The following STAMBP variants were observed in gnomAD, a reference collection of about 807,000 sequenced individuals.
STAMBP encodes STAM binding protein, also known as STAM-binding protein.
STAMBP carries 31 observed loss-of-function variants against 50.7 expected under a neutral mutation model. That is an observed-to-expected ratio of 0.61 (90% confidence interval 0.46 to 0.83). STAMBP has a LOEUF of 0.83. Ranked by LOEUF, STAMBP falls within the 40% of genes least tolerant of loss-of-function variation. STAMBP has a pLI of 0.00. For missense variants in STAMBP, 472 were observed against 518.9 expected (o/e 0.91, Z 0.88); for synonymous variants, 211 against 192.4 (o/e 1.10, Z -0.80).
Position 73,866,092 on chromosome 2 carries a change from C to A in STAMBP, c.*3833C>A, listed in dbSNP as rs1165996776. 6.6e-6 allele frequency: 1 copy of A among 152,204 alleles called. No homozygotes were observed. The highest frequency in any genetic ancestry group is 1.5e-5 in the Non-Finnish European group (1 of 68,048). The allele number at this position is 152,204 out of a possible 1,614,324, so 9.4% of individuals were successfully genotyped here. A position where few individuals can be genotyped will look rare whatever the true frequency, so the allele number is the denominator to read the frequency against. On this transcript the variant is annotated 3_prime_UTR_variant, in exon 10 of 10. Transcript: ENST00000394070. ...AGATGAAGGAAGGGCAGAACATTGG[C>A]CCTCTTCACTGAAGTCTTCACCCCT...
In STAMBP at chr2:73,834,237, ATATATATATATATATATATAT is replaced by A. The variant is rs1198150985; in HGVS notation, c.203+3179_203+3199del. 9.3e-3 allele frequency among the ~76,000 whole-genome samples: 104 copies of A among 11,214 alleles called. 18 individuals are homozygous for A. The highest frequency in any genetic ancestry group is 0.019 in the East Asian group (7 of 364). The allele number at this position is 11,214 out of a possible 152,430, so 7.4% of individuals were successfully genotyped here. A position where few individuals can be genotyped will look rare whatever the true frequency, so the allele number is the denominator to read the frequency against. On this transcript the variant is annotated intron_variant, in intron 2 of 9. Coordinates refer to ENST00000394070, the MANE Select transcript of STAMBP (RefSeq NM_213622.4). ...AAAAAAAAAAAAAAAAAAAAAAAAA[ATATATATATATATATATATAT>A]ATATATATATATATATATATATATA... is the stretch of plus-strand genomic sequence containing the variant.
At chr2:73,839,770 AT>A (rs1333863281) in intron 2 of STAMBP, among the ~76,000 whole-genome samples, 1 of 152,228 alleles carries the variant, frequency 6.6e-6, no homozygotes, top group Non-Finnish European at 1.5e-5. Flanking sequence ...GATTAAGCTC[AT>A]AGGTGCCCCC....
rs971093917 is a variant in STAMBP at position 73,865,540 on chromosome 2, T to C, written c.*3281T>C. The C allele has an allele frequency of 2.6e-5, 4 of 152,176 alleles. No homozygotes were observed. Among genetic ancestry groups the C allele is most frequent in the African/African-American group, 9.7e-5 (4 of 41,446 alleles). The allele number at this position is 152,176 out of a possible 1,614,324, so 9.4% of individuals were successfully genotyped here. On this transcript the variant is annotated 3_prime_UTR_variant, in exon 10 of 10. Coordinates refer to ENST00000394070, the MANE Select transcript of STAMBP (RefSeq NM_213622.4). ...GGAATATTATCCTCTCCAGGGGAAG[T>C]GCCAGGTTGAACATTTAAGGCTTTG...
At chr2:73,834,180 C>T (rs1429513789) in intron 2 of STAMBP, among the ~76,000 whole-genome samples, 2 of 130,548 alleles carry the variant, frequency 1.5e-5, no homozygotes, top group African/African-American at 5.8e-5. Context: ...CACTGCACTC[C>T]AGCCTGGGGA....
intron 9 of STAMBP, among the ~76,000 whole-genome samples, chr2:73,861,862 G>A (rs561952678): frequency 2.0e-5 from 3 of 152,092 alleles, no homozygotes; most frequent in African/African-American, 7.2e-5. Flanking sequence ...TTCAGGCCGG[G>A]CACGGTGGCT....
intron 2 of STAMBP, among the ~76,000 whole-genome samples, chr2:73,832,108 T>TATATATATATATATATATATATACAC (rs1006072205): frequency 4.6e-4 from 57 of 122,824 alleles, no homozygotes; most frequent in East Asian, 7.2e-4. Context: ...TATATATATA[T>TATATATATATATATATATATATACAC]ACACATATAT....
rs1439421172 is a variant in STAMBP at position 73,862,210 on chromosome 2, G to A, written c.1226G>A (p.Ser409Asn). The change falls in exon 10 of 10, where the codon AGC (serine) becomes AAC (asparagine). Residue 409 changes from serine to asparagine, a missense_variant. Transcript: ENST00000394070. ...SKDPPLFCSC[S>N]HVTVVDRAVT... is the part of the protein sequence containing the mutation. ...TCTTTTTTCCTATTGCAGAGCTGCA[G>A]CCACGTGACTGTTGTGGACAGAGCA... is the stretch of plus-strand genomic sequence containing the variant. 2 of 1,605,736 alleles carry A rather than the reference G, an allele frequency of 1.2e-6. No homozygotes were observed. The highest frequency in any genetic ancestry group is 1.7e-6 in the Non-Finnish European group (2 of 1,177,764).
intron 9 of STAMBP, among the ~76,000 whole-genome samples, chr2:73,861,609 C>G (rs944021002): frequency 2.0e-5 from 3 of 151,940 alleles, no homozygotes; most frequent in East Asian, 3.9e-4. Context: ...GCCTCTGCCC[C>G]CCAGGTTCAA....
chr2:73,861,671 G>A (rs10169994), intron 9 of STAMBP, among the ~76,000 whole-genome samples: 6,299 of 149,398 alleles, frequency 0.042, 141 homozygotes, highest in Non-Finnish European at 0.056. Context: ...GGTGCGCGCC[G>A]CCACACCGGG....
Position 73,853,251 on chromosome 2 carries a change from G to A in STAMBP, c.1005+2738G>A, listed in dbSNP as rs1004284747. Among the ~76,000 whole-genome samples, 30 of 152,156 alleles carry A rather than the reference G, an allele frequency of 2.0e-4. 1 individual carries two copies. Among genetic ancestry groups the A allele is most frequent in the African/African-American group, 6.3e-4 (26 of 41,412 alleles). Reference sequence around the variant, plus strand: ...TAGGGATTAAGTTTGTGGAGACAATGAAGTATACACTACCATTTTGAGCAA... The same window carrying A: ...TAGGGATTAAGTTTGTGGAGACAATAAAGTATACACTACCATTTTGAGCAA... On this transcript the variant is annotated intron_variant, in intron 7 of 9. Coordinates refer to ENST00000394070, the MANE Select transcript of STAMBP (RefSeq NM_213622.4).
downstream of STAMBP, among the ~76,000 whole-genome samples, chr2:73,869,482 T>C (rs1045759901): frequency 1.3e-5 from 2 of 152,168 alleles, no homozygotes; most frequent in African/African-American, 4.8e-5. Flanking sequence ...TAAATGCAAG[T>C]CTGCTAAAAA....
chr2:73,856,163 C>T (rs1355660050), intron 7 of STAMBP, among the ~76,000 whole-genome samples: 2 of 152,222 alleles, frequency 1.3e-5, no homozygotes, highest in African/African-American at 4.8e-5. Context: ...CAAATTTTAG[C>T]ATCGTGTTCT....
intron 2 of STAMBP, among the ~76,000 whole-genome samples, chr2:73,843,060 A>C (rs1013052061): frequency 1.3e-5 from 2 of 152,174 alleles, no homozygotes; most frequent in Non-Finnish European, 2.9e-5. Flanking sequence ...CTACTGAATC[A>C]TCTATCAGTC....
At chr2:73,832,748 G>A (rs1182971550) in intron 2 of STAMBP, among the ~76,000 whole-genome samples, 1 of 152,136 alleles carries the variant, frequency 6.6e-6, no homozygotes, top group Non-Finnish European at 1.5e-5. Flanking sequence ...CCAGATGCCA[G>A]TATCCCCCCT....
intron 2 of STAMBP, among the ~76,000 whole-genome samples, chr2:73,834,377 A>G (rs1470214600): frequency 6.7e-6 from 1 of 148,806 alleles, no homozygotes; most frequent in Non-Finnish European, 1.5e-5. Context: ...CACATACTTT[A>G]TATATTGTAT....
chr2:73,839,855 A>G (rs1033420534), intron 2 of STAMBP, among the ~76,000 whole-genome samples: 13 of 152,144 alleles, frequency 8.5e-5, no homozygotes, highest in African/African-American at 3.1e-4. Context: ...TCTTCACAGT[A>G]GTGTCTTTCC....
chr2:73,847,930 C>A (rs1407707836), intron 5 of STAMBP, among the ~76,000 whole-genome samples, 177 bp downstream of exon 5: 1 of 152,124 alleles, frequency 6.6e-6, no homozygotes, highest in Non-Finnish European at 1.5e-5. Flanking sequence ...ATAAAAGTGG[C>A]CTTTGCTGAA....
At chr2:73,853,994 G>C (rs921385602) in intron 7 of STAMBP, among the ~76,000 whole-genome samples, 2 of 152,132 alleles carry the variant, frequency 1.3e-5, no homozygotes, top group Admixed American at 6.5e-5. Flanking sequence ...CATTTTGAAG[G>C]TTTATCCACA....
chr2:73,831,612 C>A (rs1673928998), intron 2 of STAMBP, among the ~76,000 whole-genome samples: 2 of 152,152 alleles, frequency 1.3e-5, no homozygotes, highest in Non-Finnish European at 2.9e-5. Flanking sequence ...TAGAAGATTT[C>A]AGTACTATTA....
Sources: gnomAD v4.1 joint callset for allele counts (sites outside exome capture counted in the v4.1 genomes callset) on GRCh38, gnomAD v4.1.1 for gene constraint, MANE v1.5 for transcripts, NCBI Gene and HGNC (gene_info 2026-07-23, HGNC 2026-07-21) for gene names.